The following NRG1 variants were observed in gnomAD, a reference collection of about 807,000 sequenced individuals.
The protein encoded by NRG1 is neuregulin 1.
In NRG1, 18 loss-of-function variants were observed where a neutral mutation model predicts 63.8. The ratio of observed to expected loss-of-function variants is 0.28; its 90% CI spans 0.19 to 0.42. The LOEUF (loss-of-function observed/expected upper bound fraction) is 0.42. Among genes scored for constraint, NRG1 ranks in the 10% least tolerant of loss-of-function variants. NRG1 has a pLI of 1.00. For synonymous variants in NRG1, 302 were observed against 301.3 expected, an observed-to-expected ratio of 1.00 and a Z score of -0.02; for missense variants, 762 against 814.7, an observed-to-expected ratio of 0.94 and a Z score of 0.79.
intron 1 of NRG1, among the ~76,000 whole-genome samples, chr8:31,736,626 A>G (rs7003184): frequency 0.21 from 31,979 of 152,156 alleles, 3,790 homozygotes; most frequent in Non-Finnish European, 0.26. Context: ...TTCCTTTTGC[A>G]GGTGTTTAAC....
intron 1 of NRG1, among the ~76,000 whole-genome samples, chr8:32,177,020 C>G: frequency 6.6e-6 from 1 of 152,282 alleles, no homozygotes; most frequent in Non-Finnish European, 1.5e-5. Flanking sequence ...TATAAAGACA[C>G]ATGCACACAT....
At chr8:32,616,149 C>CT (rs1353262412) in intron 4 of NRG1, among the ~76,000 whole-genome samples, 3 of 151,930 alleles carry the variant, frequency 2.0e-5, no homozygotes, top group African/African-American at 7.3e-5. Context: ...CCGTTCCATG[C>CT]TTTTTTCGGC....
At chr8:32,425,855 T>C (rs1026955155) in intron 1 of NRG1, among the ~76,000 whole-genome samples, 2 of 152,168 alleles carry the variant, frequency 1.3e-5, no homozygotes, top group East Asian at 3.9e-4. Context: ...GAAACATCCC[T>C]GGTATCATCA....
intron 5 of NRG1, among the ~76,000 whole-genome samples, chr8:32,626,041 A>G (rs1394425159): frequency 1.3e-5 from 2 of 151,552 alleles, no homozygotes; most frequent in African/African-American, 4.8e-5. Context: ...TGATCTGCCC[A>G]CCTTGGCCTC....
At position 32,107,106 on chromosome 8, in the gene NRG1, C is replaced by T. The variant is rs1421356422; in HGVS notation, c.37+467675C>T. 3.3e-5 allele frequency among the ~76,000 whole-genome samples: 5 copies of T among 151,886 alleles called. 1 individual carries two copies. The highest frequency in any genetic ancestry group is 2.6e-4 in the Admixed American group (4 of 15,248). ...AACAAATTAGCCAGGAGTGGTGGTG[C>T]GTGCCTGTAATCCCAGCTACTCAGG... On this transcript the variant is annotated intron_variant, in intron 1 of 10. Transcript: ENST00000519301.
At chr8:31,905,812 C>G (rs1333984741) in intron 1 of NRG1, among the ~76,000 whole-genome samples, 1 of 152,116 alleles carries the variant, frequency 6.6e-6, no homozygotes, top group Non-Finnish European at 1.5e-5. Context: ...GTTCATTGAT[C>G]AACTAAGCAT....
intron 4 of NRG1, among the ~76,000 whole-genome samples, chr8:32,615,513 G>A (rs1847192184): frequency 6.6e-6 from 1 of 151,996 alleles, no homozygotes; most frequent in East Asian, 1.9e-4. Flanking sequence ...ATATACCTCA[G>A]GAAGTAGAAG....
chr8:31,970,431 C>T (rs1218861936), intron 1 of NRG1, among the ~76,000 whole-genome samples: 1 of 152,008 alleles, frequency 6.6e-6, no homozygotes, highest in African/African-American at 2.4e-5. Context: ...AAAGATTAAC[C>T]AGGTTGCCAT....
chr8:31,691,594 C>CAAAAAAAA (rs71208138), intron 1 of NRG1, among the ~76,000 whole-genome samples: 19 of 34,984 alleles, frequency 5.4e-4, no homozygotes, highest in African/African-American at 2.7e-3. Flanking sequence ...GACTCTGTCT[C>CAAAAAAAA]AAAAAAAAAA....
At chr8:31,978,818 T>A (rs1808610722) in intron 1 of NRG1, among the ~76,000 whole-genome samples, 1 of 152,192 alleles carries the variant, frequency 6.6e-6, no homozygotes, top group Non-Finnish European at 1.5e-5. Context: ...ACTAAGGACA[T>A]GATAAATTTT....
chr8:32,159,510 C>T (rs867835642), intron 1 of NRG1, among the ~76,000 whole-genome samples: 16 of 141,918 alleles, frequency 1.1e-4, no homozygotes, highest in Middle Eastern at 7.5e-3. Context: ...GTCCGCAGTC[C>T]GGCCTGGGCG....
chr8:31,711,764 C>T (rs1811773576), intron 1 of NRG1, among the ~76,000 whole-genome samples: 1 of 152,186 alleles, frequency 6.6e-6, no homozygotes, highest in South Asian at 2.1e-4. Context: ...AGTCTAAGAT[C>T]AAGGTACTGG....
At chr8:32,631,542 C>T (rs1434242853) in intron 5 of NRG1, among the ~76,000 whole-genome samples, 1 of 152,134 alleles carries the variant, frequency 6.6e-6, no homozygotes, top group East Asian at 1.9e-4. Flanking sequence ...AACTCTTAGA[C>T]TTTAGTAGGC....
intron 1 of NRG1, among the ~76,000 whole-genome samples, chr8:32,139,700 G>A (rs1030753154): frequency 6.6e-6 from 1 of 152,070 alleles, no homozygotes; most frequent in Non-Finnish European, 1.5e-5. Context: ...AGTCTCAGAA[G>A]CCACCACTAA....
intron 1 of NRG1, among the ~76,000 whole-genome samples, chr8:31,783,246 C>A (rs1372967842): frequency 6.6e-6 from 1 of 152,164 alleles, no homozygotes; most frequent in Non-Finnish European, 1.5e-5. Flanking sequence ...CACATCATAA[C>A]CACATCGTAA....
chr8:31,775,882 CAAA>C (rs71208140), intron 1 of NRG1, among the ~76,000 whole-genome samples: 9,844 of 70,230 alleles, frequency 0.14, 222 homozygotes, highest in Middle Eastern at 0.18. Context: ...GACTCCGTCT[CAAA>C]AAAAAAAAAA....
intron 1 of NRG1, among the ~76,000 whole-genome samples, chr8:32,409,357 A>G (rs1419696257): frequency 2.6e-5 from 4 of 152,232 alleles, no homozygotes; most frequent in Non-Finnish European, 5.9e-5. Flanking sequence ...GGAATTCATT[A>G]CTAAGACCCC....
chr8:31,757,146 C>T (rs1817051808), intron 1 of NRG1, among the ~76,000 whole-genome samples: 1 of 152,088 alleles, frequency 6.6e-6, no homozygotes, highest in Admixed American at 6.6e-5. Context: ...CATTTTCAGG[C>T]TGTCTCAATA....
At chr8:31,647,572 A>G (rs540471341) in intron 1 of NRG1, among the ~76,000 whole-genome samples, 1 of 152,256 alleles carries the variant, frequency 6.6e-6, no homozygotes, top group South Asian at 2.1e-4. Context: ...CTTCACATAG[A>G]ATTTCTCATT....
Sources: allele counts gnomAD v4.1 joint callset (sites outside exome capture counted in the v4.1 genomes callset), GRCh38; gene constraint gnomAD v4.1.1; transcripts MANE v1.5; gene names NCBI Gene and HGNC (gene_info 2026-07-23, HGNC 2026-07-21).